Variants in PDE5A observed in about 807,000 individuals in gnomAD.
PDE5A encodes phosphodiesterase 5A.
In PDE5A, 67 loss-of-function variants were observed where a neutral mutation model predicts 110.2. That is an observed-to-expected ratio of 0.61 (90% CI 0.50 to 0.75). The LOEUF is 0.75. Among genes scored for constraint, PDE5A ranks in the 30% least tolerant of loss-of-function variants. The probability of loss-of-function intolerance (pLI) is 0.00; values close to 1 mark genes in which losing one functional copy is unlikely to be tolerated. For synonymous variants in PDE5A, 328 were observed against 351.2 expected, an observed-to-expected ratio of 0.93 and a Z score of 0.74; for missense variants, 862 against 1,045.1, an observed-to-expected ratio of 0.82 and a Z score of 2.42.
intron 3 of PDE5A, among the ~76,000 whole-genome samples, chr4:119,579,167 A>G (rs1219177097): frequency 2.0e-5 from 3 of 152,136 alleles, no homozygotes; most frequent in Admixed American, 2.0e-4. Context: ...TAGAATGGCA[A>G]TCATTAAAAA....
intron 3 of PDE5A, among the ~76,000 whole-genome samples, chr4:119,574,419 G>A (rs1353538882): frequency 1.3e-5 from 2 of 151,906 alleles, no homozygotes; most frequent in Non-Finnish European, 2.9e-5. Context: ...CTGACCTTGC[G>A]ATCTGCCCGC....
chr4:119,508,038 GA>G (rs901270831), intron 15 of PDE5A, among the ~76,000 whole-genome samples: 30 of 150,748 alleles, frequency 2.0e-4, no homozygotes, highest in African/African-American at 5.8e-4. Context: ...GTAAAACTTT[GA>G]AAAAAAAGCC....
intron 3 of PDE5A, among the ~76,000 whole-genome samples, chr4:119,578,866 C>T (rs1187022046): frequency 2.0e-5 from 3 of 152,116 alleles, no homozygotes; most frequent in Non-Finnish European, 4.4e-5. Flanking sequence ...AGAGCTTCTG[C>T]ACAGCAAAAG....
In PDE5A at chr4:119,606,773, TTCC is replaced by T; in HGVS notation, c.674_676del (p.Trp225_Asn226delinsTyr). 1 of 1,614,184 alleles carries T rather than the reference TTCC, an allele frequency of 6.2e-7. No individual in the cohort carries two copies. Among genetic ancestry groups the T allele is most frequent in the Non-Finnish European group, 8.5e-7 (1 of 1,180,042 alleles). On this transcript the variant is annotated inframe_deletion, in exon 2 of 21. Coordinates refer to ENST00000354960, the MANE Select transcript of PDE5A (RefSeq NM_001083.4). ...TGCCACATGTCCCACAATGCCTTTG[TTCC>T]ATTCTAAGCGGATACAGTTATTTGA... is the stretch of plus-strand genomic sequence containing the variant.
intron 3 of PDE5A, among the ~76,000 whole-genome samples, chr4:119,592,238 A>G (rs1202199517): frequency 6.7e-6 from 1 of 149,602 alleles, no homozygotes; most frequent in Non-Finnish European, 1.5e-5. Flanking sequence ...GGCGGATCAC[A>G]AGGTCAGGAG....
At chr4:119,503,688 A>G (rs565754637) in intron 18 of PDE5A, among the ~76,000 whole-genome samples, 2 of 152,276 alleles carry the variant, frequency 1.3e-5, no homozygotes, top group Admixed American at 1.3e-4. Context: ...GTGTCATGTC[A>G]GTACTCAAAA....
rs201746717 is a variant in PDE5A at position 119,525,716 on chromosome 4, A to C, written c.1633-21T>G. The C allele has an allele frequency of 3.1e-6, 5 of 1,587,562 alleles. No individual in the cohort carries two copies. The highest frequency in any genetic ancestry group is 4.3e-6 in the Non-Finnish European group (5 of 1,169,934). On this transcript the variant is annotated intron_variant, in intron 11 of 20. Transcript: ENST00000354960. This position sits in a 1 kb window ranked among gnomAD's most constrained non-coding sequence, Gnocchi z 4.3. ...GCAGCCTTGGGTAAGGAAAGAAGAA[A>C]AAAAAAAATGCTGTTAATTAAAGCA...
intron 11 of PDE5A, among the ~76,000 whole-genome samples, chr4:119,534,545 C>T (rs1560605437): frequency 6.6e-6 from 1 of 152,080 alleles, no homozygotes; most frequent in African/African-American, 2.4e-5. Context: ...TTGTCTTCCA[C>T]AAAATCAGTC....
At chr4:119,596,976 C>T (rs1353394815) in intron 2 of PDE5A, among the ~76,000 whole-genome samples, 1 of 152,108 alleles carries the variant, frequency 6.6e-6, no homozygotes, top group Non-Finnish European at 1.5e-5. Context: ...TCTATTGTGC[C>T]TCCAGAACAA....
chr4:119,524,592 C>T (rs1354075730), intron 12 of PDE5A, among the ~76,000 whole-genome samples: 2 of 152,098 alleles, frequency 1.3e-5, no homozygotes, highest in Non-Finnish European at 2.9e-5. Flanking sequence ...GTTTTCATTT[C>T]TGTGAAGCCT....
At chr4:119,562,042 A>G (rs191963952) in intron 6 of PDE5A, among the ~76,000 whole-genome samples, 51 of 152,358 alleles carry the variant, frequency 3.3e-4, no homozygotes, top group African/African-American at 1.2e-3. Flanking sequence ...TGAACAACCT[A>G]TTCTTAGGGA....
rs546892441 is a variant in PDE5A at position 119,619,081 on chromosome 4, T to C, written c.152+9439A>G. 3.0e-4 allele frequency among the ~76,000 whole-genome samples: 46 copies of C among 152,292 alleles called. No homozygotes were observed. In the South Asian group the frequency reaches 9.5e-3, roughly 32 times the overall value. On this transcript the variant is annotated intron_variant, in intron 1 of 20. Transcript: ENST00000354960. ...ACTAATACCAGCATTGCAAAGAGTATACTAAATTTTCTGACTGGAAAGTAT... is the reference window on the plus strand; with the variant it reads ...ACTAATACCAGCATTGCAAAGAGTACACTAAATTTTCTGACTGGAAAGTAT...
At chr4:119,527,901 TA>T (rs1048026379) in intron 11 of PDE5A, among the ~76,000 whole-genome samples, 1 of 152,148 alleles carries the variant, frequency 6.6e-6, no homozygotes, top group African/African-American at 2.4e-5. Flanking sequence ...TGATACCACC[TA>T]ATACCACCCA....
In PDE5A at chr4:119,501,447, G is replaced by A. The variant is rs546856228; in HGVS notation, c.2407-194C>T. Among the ~76,000 whole-genome samples the A allele has an allele frequency of 6.6e-5, 10 of 152,182 alleles. No individual in the cohort carries two copies. The East Asian group carries it at 1.9e-3, about 30-fold the overall frequency. ...TGCCTCAGCCTCCCTAGTCAGGTGTGCAGTACCACGCCTGGCTGATTTTTT... is the reference window on the plus strand; with the variant it reads ...TGCCTCAGCCTCCCTAGTCAGGTGTACAGTACCACGCCTGGCTGATTTTTT... On this transcript the variant is annotated intron_variant, in intron 19 of 20. Coordinates refer to ENST00000354960, the MANE Select transcript of PDE5A (RefSeq NM_001083.4).
chr4:119,537,710 C>T (rs921623757), intron 11 of PDE5A, among the ~76,000 whole-genome samples: 7 of 151,790 alleles, frequency 4.6e-5, no homozygotes, highest in African/African-American at 1.7e-4. Flanking sequence ...CACCTCATCG[C>T]TTGAGTCCTG....
chr4:119,517,830 C>A (rs1235098548), intron 14 of PDE5A, among the ~76,000 whole-genome samples: 1 of 151,862 alleles, frequency 6.6e-6, no homozygotes, highest in African/African-American at 2.4e-5. Flanking sequence ...TGTGGAGAGG[C>A]GTACTATGTG....
intron 11 of PDE5A, among the ~76,000 whole-genome samples, chr4:119,529,630 C>T (rs898003175): frequency 6.6e-6 from 1 of 152,114 alleles, no homozygotes; most frequent in Non-Finnish European, 1.5e-5. Context: ...GTAGAAGTTT[C>T]CATAGTGAGC....
chr4:119,570,768 G>A (rs1374696458), intron 3 of PDE5A, among the ~76,000 whole-genome samples: 2 of 152,130 alleles, frequency 1.3e-5, no homozygotes, highest in Non-Finnish European at 2.9e-5. Flanking sequence ...AGGAGGAAAG[G>A]ACAGACTACA....
chr4:119,516,711 G>C (rs952521329), intron 14 of PDE5A, among the ~76,000 whole-genome samples: 2 of 152,064 alleles, frequency 1.3e-5, no homozygotes, highest in African/African-American at 4.8e-5. Flanking sequence ...TCTGCCTCCT[G>C]GGTTCAAGTG....
Sources: gnomAD v4.1 joint callset for allele counts (sites outside exome capture counted in the v4.1 genomes callset) on GRCh38, gnomAD v4.1.1 for gene constraint, Gnocchi (gnomAD v3.1) non-coding constraint, MANE v1.5 for transcripts, NCBI Gene and HGNC (gene_info 2026-07-23, HGNC 2026-07-21) for gene names.